The following CCDC125 variants were observed in gnomAD, a reference collection of about 807,000 sequenced individuals.
CCDC125 encodes the protein coiled-coil domain containing 125, also known as coiled-coil domain-containing protein 125.
CCDC125 carries 43 observed loss-of-function variants against 57.4 expected under a neutral mutation model. That is an observed-to-expected ratio of 0.75 (90% CI 0.59 to 0.97). The LOEUF is 0.97. Ranked by LOEUF, CCDC125 falls within the 50% of genes least tolerant of loss-of-function variation. CCDC125 has a pLI of 0.00. For missense variants in CCDC125, 563 were observed against 595.7 expected (o/e 0.95, Z 0.57); for synonymous variants, 187 against 195.2 (o/e 0.96, Z 0.35).
At chr5:69,298,845 GCA>G (rs375458582) in intron 8 of CCDC125, among the ~76,000 whole-genome samples, 4 of 152,284 alleles carry the variant, frequency 2.6e-5, no homozygotes, top group African/African-American at 9.6e-5. Flanking sequence ...GTGCTCAAAA[GCA>G]CAGACTCTAA....
intron 2 of CCDC125, 133 bp downstream of exon 2, chr5:69,320,104 C>T: frequency 1.0e-5 from 9 of 885,608 alleles, no homozygotes; most frequent in Non-Finnish European, 1.5e-5. Flanking sequence ...GCCTGGGTGA[C>T]AGAGCAAGAC....
At chr5:69,276,512 A>G, downstream of CCDC125, 1 of 1,605,118 alleles carries the variant, frequency 6.2e-7, no homozygotes, top group Non-Finnish European at 8.5e-7. Context: ...ATACTCACCT[A>G]CCTTACTTTT....
Position 69,291,418 on chromosome 5 carries a change from G to A in CCDC125, c.1099+770C>T, listed in dbSNP as rs148672965. Among the ~76,000 whole-genome samples the A allele has an allele frequency of 8.8e-3, 1,334 of 151,292 alleles. 17 individuals carry two copies. Among genetic ancestry groups the A allele is most frequent in the African/African-American group, 0.031 (1,273 of 41,128 alleles). On this transcript the variant is annotated intron_variant, in intron 10 of 11. Transcript: ENST00000396496. Reference sequence around the variant, plus strand: ...ATTCCGTCGCCCAGTGCAGTGGCGCGATCTCAGCTCACTGCAACCTCTGCC... The same window carrying A: ...ATTCCGTCGCCCAGTGCAGTGGCGCAATCTCAGCTCACTGCAACCTCTGCC...
At chr5:69,288,207 T>C (rs1209102725) in intron 10 of CCDC125, among the ~76,000 whole-genome samples, 1 of 152,126 alleles carries the variant, frequency 6.6e-6, no homozygotes, top group Non-Finnish European at 1.5e-5. Flanking sequence ...TGGAATTTCC[T>C]GGGTAATAGA....
chr5:69,279,683 G>C (rs1385346365), downstream of CCDC125, among the ~76,000 whole-genome samples: 1 of 152,120 alleles, frequency 6.6e-6, no homozygotes, highest in African/African-American at 2.4e-5. Context: ...TTCCTCGTGT[G>C]TGTGTGTAGA....
intron 7 of CCDC125, among the ~76,000 whole-genome samples, chr5:69,302,498 G>T (rs1291385741): frequency 6.6e-6 from 1 of 150,412 alleles, no homozygotes; most frequent in Non-Finnish European, 1.5e-5. Flanking sequence ...GGCTGAGGCG[G>T]GCGGATCACG....
chr5:69,313,802 G>T, intron 3 of CCDC125, 183 bp downstream of exon 3: 1 of 809,772 alleles, frequency 1.2e-6, no homozygotes, highest in Non-Finnish European at 2.2e-6. Context: ...CTCTGGTGTT[G>T]AAGACTTACA....
chr5:69,303,824 C>G (rs778542252), intron 7 of CCDC125, 23 bp downstream of exon 7: 2 of 1,390,642 alleles, frequency 1.4e-6, no homozygotes, highest in African/African-American at 2.9e-5. Flanking sequence ...TACATGTGCT[C>G]TTAATACAAA....
intron 4 of CCDC125, chr5:69,310,903 T>A: frequency 3.6e-6 from 1 of 275,506 alleles, no homozygotes; most frequent in Non-Finnish European, 6.8e-6. Flanking sequence ...ATTATAATGA[T>A]GGTGGTACAA....
intron 9 of CCDC125, 89 bp downstream of exon 9, chr5:69,294,704 A>C (rs1297133508): frequency 1.0e-6 from 1 of 971,724 alleles, no homozygotes; most frequent in Non-Finnish European, 1.6e-6. Context: ...AACTACTAAA[A>C]TGAAGTTAAT....
chr5:69,292,801 T>A lies in CCDC125; in HGVS notation c.925-439A>T, dbSNP rs151288902. The stretch of plus-strand genomic sequence containing the variant: ...TAGATGACCTTGACTTTGATCAATG[T>A]AATCTCATGTTTTTCTTTTCTTCTA... On this transcript the variant is annotated intron_variant, in intron 9 of 11. Coordinates refer to ENST00000396496, the MANE Select transcript of CCDC125 (RefSeq NM_176816.5). Among the ~76,000 whole-genome samples the A allele has an allele frequency of 9.6e-3, 1,459 of 152,192 alleles. 21 individuals carry two copies. Among genetic ancestry groups the A allele is most frequent in the African/African-American group, 0.034 (1,394 of 41,508 alleles).
At chr5:69,300,413 G>A (rs1208628561) in intron 7 of CCDC125, among the ~76,000 whole-genome samples, 1 of 152,088 alleles carries the variant, frequency 6.6e-6, no homozygotes, top group Non-Finnish European at 1.5e-5. Context: ...TTTCCAAAAG[G>A]GAATATGTAA....
chr5:69,297,898 A>G (rs1395889899), intron 8 of CCDC125, among the ~76,000 whole-genome samples: 2 of 151,730 alleles, frequency 1.3e-5, no homozygotes, highest in East Asian at 2.0e-4. Flanking sequence ...ACTTGAGCCC[A>G]GGAGGTCTAA....
Position 69,292,256 on chromosome 5 carries a change from A to C in CCDC125, c.1031T>G (p.Leu344Trp). The C allele has an allele frequency of 6.2e-7, 1 of 1,613,720 alleles. No homozygotes were observed. The highest frequency in any genetic ancestry group is 8.5e-7 in the Non-Finnish European group (1 of 1,179,882). ...TTTATGCATTTTATCCATTTGTGTC[A>C]ATTGTAGTGCCTGGTCATTTTTTCT... The part of the protein sequence containing the change: ...LMRKNDQALQ[L>W]TQMDKMHKKA... Residue 344 changes from leucine (L) to tryptophan (W), a missense_variant, in exon 10 of 12, where the codon TTG (leucine) becomes TGG (tryptophan). By Grantham distance (61) the Leu-to-Trp change is moderately conservative (BLOSUM62 -2). Transcript: ENST00000396496.
At chr5:69,312,656 G>A (rs1262754694) in intron 3 of CCDC125, among the ~76,000 whole-genome samples, 2 of 152,122 alleles carry the variant, frequency 1.3e-5, no homozygotes, top group Non-Finnish European at 2.9e-5. Context: ...TAAGAGAAGT[G>A]GGGTGGAAAG....
chr5:69,318,378 T>C (rs1466721866), intron 2 of CCDC125, among the ~76,000 whole-genome samples: 2 of 151,924 alleles, frequency 1.3e-5, no homozygotes, highest in Non-Finnish European at 2.9e-5. Flanking sequence ...GCCCAGGACT[T>C]TGAGGTTGCA....
the CCDC125 span, among the ~76,000 whole-genome samples, chr5:69,274,603 T>G: frequency 6.6e-6 from 1 of 152,172 alleles, no homozygotes; most frequent in Non-Finnish European, 1.5e-5. Context: ...TAAAGGATTA[T>G]CCTAAAGGAA....
chr5:69,285,052 G>A (rs776686309), intron 11 of CCDC125, among the ~76,000 whole-genome samples: 33 of 151,974 alleles, frequency 2.2e-4, no homozygotes, highest in Non-Finnish European at 2.2e-4. Flanking sequence ...AGCCGAGATC[G>A]CGCCGCTGCA....
intron 7 of CCDC125, among the ~76,000 whole-genome samples, chr5:69,302,339 C>T (rs28765151): frequency 0.98 from 141,765 of 144,052 alleles, 69,757 homozygotes; most frequent in East Asian, 1. Context: ...GGAGGATCAC[C>T]TGAACTGGGA....
Sources: gnomAD v4.1 joint callset for allele counts (sites outside exome capture counted in the v4.1 genomes callset) on GRCh38, gnomAD v4.1.1 for gene constraint, MANE v1.5 for transcripts, NCBI Gene and HGNC (gene_info 2026-07-23, HGNC 2026-07-21) for gene names.